Variants in KATNBL1 observed in about 807,000 individuals in gnomAD.
KATNBL1 encodes KATNB1-like protein 1.
Under a neutral mutation model 44.7 loss-of-function variants are expected in KATNBL1, and 28 were observed. That is an observed-to-expected ratio of 0.63 (90% CI 0.46 to 0.86). KATNBL1 has a LOEUF of 0.86. Among genes scored for constraint, KATNBL1 ranks in the 40% least tolerant of loss-of-function variants. The probability of loss-of-function intolerance (pLI) is 0.00; values close to 1 mark genes in which losing one functional copy is unlikely to be tolerated. For missense variants in KATNBL1, 272 were observed against 350.7 expected (o/e 0.78, Z 1.79); for synonymous variants, 78 against 114.9 (o/e 0.68, Z 2.06).
intron 1 of KATNBL1, among the ~76,000 whole-genome samples, chr15:34,197,648 T>C (rs1305536241): frequency 1.3e-5 from 2 of 152,260 alleles, no homozygotes; most frequent in African/African-American, 2.4e-5. Context: ...TCCTTTTTTC[T>C]GTTTATTTTT....
At chr15:34,209,493 T>C (rs1347895652) in intron 1 of KATNBL1, 1 of 152,182 alleles carries the variant, frequency 6.6e-6, no homozygotes, top group Non-Finnish European at 1.5e-5. Flanking sequence ...TGTCAAGTTT[T>C]TGTCCTGCGA....
intron 1 of KATNBL1, among the ~76,000 whole-genome samples, chr15:34,207,893 C>T (rs150986200): frequency 5.6e-4 from 85 of 152,274 alleles, no homozygotes; most frequent in Middle Eastern, 3.4e-3. Flanking sequence ...CCTGCCTAGC[C>T]CCACCATCCA....
At chr15:34,143,166 C>T in intron 9 of KATNBL1, 1 of 452,152 alleles carries the variant, frequency 2.2e-6, no homozygotes, top group Non-Finnish European at 3.4e-6. Context: ...CACAATAAAG[C>T]TTTTCCCTTT....
intron 1 of KATNBL1, among the ~76,000 whole-genome samples, chr15:34,165,112 A>T (rs1338142473): frequency 6.6e-6 from 1 of 152,226 alleles, no homozygotes; most frequent in Non-Finnish European, 1.5e-5. Context: ...TAATACAATA[A>T]GTACTCTGAC....
intron 1 of KATNBL1, among the ~76,000 whole-genome samples, chr15:34,166,891 T>C (rs1298946113): frequency 6.6e-6 from 1 of 152,086 alleles, no homozygotes; most frequent in African/African-American, 2.4e-5. Flanking sequence ...CAGAAAGGAA[T>C]AGCATCAACA....
intron 1 of KATNBL1, among the ~76,000 whole-genome samples, chr15:34,207,997 C>T (rs959567969): frequency 1.4e-4 from 21 of 152,318 alleles, no homozygotes; most frequent in African/African-American, 4.3e-4. Context: ...ACTGTACTAA[C>T]GAAGAGTGTC....
At chr15:34,204,078 C>T (rs994085367) in intron 1 of KATNBL1, among the ~76,000 whole-genome samples, 4 of 150,220 alleles carry the variant, frequency 2.7e-5, no homozygotes, top group African/African-American at 4.9e-5. Flanking sequence ...TACCTTACCT[C>T]TAACCATCAA....
At chr15:34,146,999 G>GTA in intron 7 of KATNBL1, 149 bp from the exon 8 acceptor site, 1 of 645,652 alleles carries the variant, frequency 1.5e-6, no homozygotes, top group South Asian at 2.0e-5. Flanking sequence ...TTACACAAAA[G>GTA]TATATTTCAT....
rs145452916 is a variant in KATNBL1 at position 34,152,852 on chromosome 15, T to C, written c.376A>G (p.Ser126Gly). ...TCTGTCTGTGAAGAACCAGAATCAC[T>C]GGAGTTAACCAAATATGTTCGACTA... ...HDSRTYLVNS[S>G]DSGSSQTESP... The change falls in exon 4 of 10, where the codon AGT becomes GGT. Residue 126 changes from serine (S) to glycine (G), a missense_variant. Physicochemically the swap from Ser to Gly is moderately conservative, Grantham distance 56 (BLOSUM62 0). Around this residue, in one of 3 missense-constraint regions of KATNBL1, gnomAD observed 111 missense variants for 149.3 expected, o/e 0.74. Coordinates refer to ENST00000256544, the MANE Select transcript of KATNBL1 (RefSeq NM_024713.3). 253 of 1,613,864 alleles carry C rather than the reference T, an allele frequency of 1.6e-4. No individual in the cohort carries two copies. The African/African-American group carries it at 3.2e-3, about 20-fold the overall frequency.
chr15:34,166,147 G>A lies in KATNBL1; in HGVS notation c.-14-2457C>T, dbSNP rs188061483. 7.1e-3 allele frequency: 1,086 copies of A among 152,428 alleles called. 7 individuals are homozygous for A. The highest frequency in any genetic ancestry group is 8.6e-3 in the Non-Finnish European group (584 of 68,112). 9.4% of individuals were successfully genotyped at this position (152,428 alleles called of 1,614,324 possible). A position where few individuals can be genotyped will look rare whatever the true frequency, so the allele number is the denominator to read the frequency against. ...CAGGGCAGGGTGTCACCTCACCCGG[G>A]AAGCGCTAGGGGTCAGGAGATTTCC... On this transcript the variant is annotated intron_variant, in intron 1 of 9. Coordinates refer to ENST00000256544, the MANE Select transcript of KATNBL1 (RefSeq NM_024713.3).
intron 1 of KATNBL1, among the ~76,000 whole-genome samples, chr15:34,179,637 A>C (rs1347556619): frequency 6.6e-6 from 1 of 152,194 alleles, no homozygotes; most frequent in Non-Finnish European, 1.5e-5. Context: ...CCTGGCAAGC[A>C]ACAGTATTTT....
intron 4 of KATNBL1, 34 bp from the exon 5 acceptor site, chr15:34,148,784 C>A (rs1888385137): frequency 8.4e-7 from 1 of 1,188,076 alleles, no homozygotes; most frequent in Admixed American, 1.7e-5. Flanking sequence ...TTAAAAAGCA[C>A]ACTGAAACAG....
rs569564540 is a variant in KATNBL1, at chr15:34,176,951, C to A, written c.-14-13261G>T. On this transcript the variant is annotated intron_variant, in intron 1 of 9. Transcript: ENST00000256544. ...TTAAAGCAATGGTCAGGCCTCTATG[C>A]GCTTTTGAAGTGCTATTTGATAATA... Among the ~76,000 whole-genome samples, 20 of 151,856 alleles carry A rather than the reference C, an allele frequency of 1.3e-4. No individual in the cohort carries two copies. In the South Asian group the frequency reaches 2.7e-3, roughly 21 times the overall value.
chr15:34,196,054 G>C (rs1016210621), intron 1 of KATNBL1, among the ~76,000 whole-genome samples: 4 of 152,076 alleles, frequency 2.6e-5, no homozygotes, highest in African/African-American at 9.7e-5. Context: ...TCTGGCTTCA[G>C]AGAAAAAATA....
At chr15:34,184,442 C>A (rs567667142) in intron 1 of KATNBL1, among the ~76,000 whole-genome samples, 2 of 149,520 alleles carry the variant, frequency 1.3e-5, no homozygotes, top group Non-Finnish European at 3.0e-5. Flanking sequence ...ACCGAGATTG[C>A]GCCACTGCAC....
intron 1 of KATNBL1, among the ~76,000 whole-genome samples, chr15:34,189,867 T>G (rs1045663653): frequency 5.3e-5 from 8 of 152,202 alleles, no homozygotes; most frequent in African/African-American, 1.9e-4. Context: ...CTTAAACAAT[T>G]AAAAGGAAGT....
At chr15:34,178,700 G>A (rs1196786274) in intron 1 of KATNBL1, among the ~76,000 whole-genome samples, 1 of 149,548 alleles carries the variant, frequency 6.7e-6, no homozygotes, top group African/African-American at 2.5e-5. Flanking sequence ...AGCTTGCAGT[G>A]AGCTGAGATC....
chr15:34,193,999 T>C (rs1889964404), intron 1 of KATNBL1, among the ~76,000 whole-genome samples: 1 of 152,072 alleles, frequency 6.6e-6, no homozygotes, highest in Non-Finnish European at 1.5e-5. Flanking sequence ...TGGAATGCAG[T>C]GGCACGATCT....
At chr15:34,164,743 A>C (rs1420458433) in intron 1 of KATNBL1, among the ~76,000 whole-genome samples, 1 of 152,214 alleles carries the variant, frequency 6.6e-6, no homozygotes, top group African/African-American at 2.4e-5. Context: ...CTAAGCATTC[A>C]CTATAAGCCA....
Sources: gnomAD v4.1 joint callset for allele counts (sites outside exome capture counted in the v4.1 genomes callset) on GRCh38, gnomAD v4.1.1 for gene constraint, gnomAD v4.1.1 regional missense constraint, MANE v1.5 for transcripts, NCBI Gene and HGNC (gene_info 2026-07-23, HGNC 2026-07-21) for gene names.